NAV3: variants seen among roughly 807,000 people sequenced by gnomAD.
NAV3 encodes the protein pore membrane and/or filament interacting like protein 1.
Under a neutral mutation model 244.7 loss-of-function variants are expected in NAV3, and 87 were observed. The ratio of observed to expected loss-of-function variants is 0.36; its 90% CI spans 0.30 to 0.42. NAV3 has a LOEUF of 0.42. Ranked by LOEUF, NAV3 falls within the 20% of genes least tolerant of loss-of-function variation. The pLI is 1.00. For synonymous variants in NAV3, 1,126 were observed against 1,042.2 expected (o/e 1.08, Z -1.55); for missense variants, 2,663 against 2,893.3 (o/e 0.92, Z 1.83).
intron 1 of NAV3, among the ~76,000 whole-genome samples, chr12:77,888,088 T>C (rs1368186622): frequency 4.6e-5 from 7 of 151,674 alleles, no homozygotes; most frequent in Non-Finnish European, 1.0e-4. Flanking sequence ...ATGAGGAATA[T>C]GCGGTAAAAT....
At chr12:78,001,469 A>C (rs1873295590) in intron 7 of NAV3, among the ~76,000 whole-genome samples, 1 of 152,218 alleles carries the variant, frequency 6.6e-6, no homozygotes, top group Non-Finnish European at 1.5e-5. Flanking sequence ...GTTTATTCAC[A>C]ATTAAAACAA....
intron 5 of NAV3, among the ~76,000 whole-genome samples, chr12:77,980,830 T>A (rs184704495): frequency 6.6e-6 from 1 of 152,288 alleles, no homozygotes. Flanking sequence ...TTTCCTGAAT[T>A]CTCCTTTATC....
At chr12:77,749,214 A>G (rs1868713580) in intron 2 of NAV3, among the ~76,000 whole-genome samples, 1 of 152,174 alleles carries the variant, frequency 6.6e-6, no homozygotes, top group African/African-American at 2.4e-5. Context: ...TATGAACTAC[A>G]TTTCTAATGA....
intron 12 of NAV3, among the ~76,000 whole-genome samples, chr12:78,107,973 T>G (rs563483549): frequency 2.6e-5 from 4 of 152,184 alleles, no homozygotes; most frequent in Admixed American, 6.5e-5. Flanking sequence ...CAGTAATCAC[T>G]TTGAATGTAA....
chr12:77,625,224 CTTTTA>C (rs548454893), intron 2 of NAV3, among the ~76,000 whole-genome samples: 35 of 151,978 alleles, frequency 2.3e-4, no homozygotes, highest in African/African-American at 7.5e-4. Flanking sequence ...TTAATGGTCA[CTTTTA>C]TTTTCTCTTC....
intron 2 of NAV3, among the ~76,000 whole-genome samples, chr12:77,591,234 G>T (rs1490486416): frequency 1.3e-5 from 2 of 152,152 alleles, no homozygotes; most frequent in African/African-American, 2.4e-5. Flanking sequence ...CTAAAAAAAG[G>T]TAGTGATTTG....
At chr12:78,013,108 A>C (rs1875590331) in intron 8 of NAV3, among the ~76,000 whole-genome samples, 1 of 152,148 alleles carries the variant, frequency 6.6e-6, no homozygotes, top group African/African-American at 2.4e-5. Context: ...TAAAATATTT[A>C]AAGAATTAAA....
At chr12:78,054,392 ACAT>A (rs2137319751) in intron 11 of NAV3, among the ~76,000 whole-genome samples, 2 of 152,344 alleles carry the variant, frequency 1.3e-5, no homozygotes, top group South Asian at 4.1e-4. Context: ...ACAGACCTTA[ACAT>A]CATTATGCTA....
intron 2 of NAV3, among the ~76,000 whole-genome samples, chr12:77,760,768 G>A (rs1869421129): frequency 6.6e-6 from 1 of 152,182 alleles, no homozygotes; most frequent in Admixed American, 6.5e-5. Flanking sequence ...GAAAATCAAA[G>A]CTGTCAGCCA....
chr12:77,929,742 C>T (rs1196347496), intron 1 of NAV3, among the ~76,000 whole-genome samples: 1 of 151,396 alleles, frequency 6.6e-6, no homozygotes, highest in Non-Finnish European at 1.5e-5. Flanking sequence ...AAGCGATTCT[C>T]CTGCTGCAGC....
rs949152061 is a variant in NAV3 at position 78,177,593 on chromosome 12, T to A, written c.5298-27T>A. Reference sequence around the variant, plus strand: ...TTCTTTTCATGGGCATTTGTCCATGTATCTGTCTAACTGTATGTACATACA... The same window carrying A: ...TTCTTTTCATGGGCATTTGTCCATGAATCTGTCTAACTGTATGTACATACA... On this transcript the variant is annotated intron_variant, in intron 27 of 39. Coordinates refer to ENST00000397909, the MANE Select transcript of NAV3 (RefSeq NM_001024383.2). 8 of 1,587,398 alleles carry A rather than the reference T, an allele frequency of 5.0e-6. No individual in the cohort carries two copies. In the African/African-American group the frequency reaches 1.1e-4, roughly 21 times the overall value.
intron 30 of NAV3, among the ~76,000 whole-genome samples, chr12:78,184,089 T>G (rs1456399058): frequency 5.3e-5 from 8 of 151,910 alleles, no homozygotes; most frequent in Non-Finnish European, 1.2e-4. Flanking sequence ...CTTCAGTTAC[T>G]TTCTGTTTCA....
intron 2 of NAV3, among the ~76,000 whole-genome samples, chr12:77,576,641 A>G (rs2136659871): frequency 6.6e-6 from 1 of 152,240 alleles, no homozygotes; most frequent in Non-Finnish European, 1.5e-5. Context: ...AACATCATAT[A>G]CAAGTCAAAA....
chr12:77,929,252 A>C (rs911210787), intron 1 of NAV3, among the ~76,000 whole-genome samples: 2 of 152,220 alleles, frequency 1.3e-5, no homozygotes, highest in African/African-American at 2.4e-5. Context: ...CGTTTTAAAA[A>C]ATAATTAGGA....
intron 3 of NAV3, among the ~76,000 whole-genome samples, chr12:77,964,665 G>A (rs188163320): frequency 1.3e-5 from 2 of 152,138 alleles, no homozygotes; most frequent in Admixed American, 6.5e-5. Context: ...CAGCACTGTC[G>A]CCTCATTGGA....
At chr12:77,768,557 C>T (rs1000857090) in intron 2 of NAV3, among the ~76,000 whole-genome samples, 5 of 152,244 alleles carry the variant, frequency 3.3e-5, no homozygotes, top group Admixed American at 1.3e-4. Context: ...CTGGAATGAA[C>T]ACAACAGCAC....
intron 23 of NAV3, among the ~76,000 whole-genome samples, chr12:78,165,934 T>A (rs1957760967): frequency 6.7e-6 from 1 of 149,432 alleles, no homozygotes; most frequent in Non-Finnish European, 1.5e-5. Context: ...TTTTATATGG[T>A]ACCCCACTCA....
Position 78,177,604 on chromosome 12 carries a change from C to G in NAV3, c.5298-16C>G, listed in dbSNP as rs761754268. Reference sequence around the variant, plus strand: ...GGCATTTGTCCATGTATCTGTCTAACTGTATGTACATACAGGTCACCCCTT... The same window carrying G: ...GGCATTTGTCCATGTATCTGTCTAAGTGTATGTACATACAGGTCACCCCTT... On this transcript the variant is annotated splice_polypyrimidine_tract_variant and intron_variant, in intron 27 of 39. Coordinates refer to ENST00000397909, the MANE Select transcript of NAV3 (RefSeq NM_001024383.2). 6.3e-7 allele frequency: 1 copy of G among 1,595,484 alleles called. No individual in the cohort carries two copies.
intron 2 of NAV3, among the ~76,000 whole-genome samples, chr12:77,742,600 A>C (rs1377125649): frequency 6.6e-6 from 1 of 152,068 alleles, no homozygotes; most frequent in East Asian, 1.9e-4. Context: ...AAAACACAAA[A>C]AAATTTATTA....
Sources: allele counts gnomAD v4.1 joint callset (sites outside exome capture counted in the v4.1 genomes callset), GRCh38; gene constraint gnomAD v4.1.1; transcripts MANE v1.5; gene names NCBI Gene and HGNC (gene_info 2026-07-23, HGNC 2026-07-21).